PPP4R1: variants seen among roughly 807,000 people sequenced by gnomAD.
PPP4R1 encodes the protein serine/threonine-protein phosphatase 4 regulatory subunit 1.
In PPP4R1, 42 loss-of-function variants were observed where a neutral mutation model predicts 111.2. The observed-to-expected ratio is 0.38, with a 90% CI of 0.29 to 0.49. The LOEUF (loss-of-function observed/expected upper bound fraction) is 0.49, where lower values mean the gene tolerates loss of function less well. Among genes scored for constraint, PPP4R1 ranks in the 20% least tolerant of loss-of-function variants. The pLI, the probability that PPP4R1 is intolerant of heterozygous loss-of-function variation, is 0.97. For synonymous variants in PPP4R1, 409 were observed against 405.5 expected (o/e 1.01, Z -0.10); for missense variants, 1,012 against 1,161.6 (o/e 0.87, Z 1.87).
chr18:9,575,847 T>C (rs574046317), intron 10 of PPP4R1, among the ~76,000 whole-genome samples: 4 of 152,316 alleles, frequency 2.6e-5, no homozygotes, highest in African/African-American at 9.6e-5. Context: ...AAATTTATAG[T>C]TTCTTACTAG....
intron 2 of PPP4R1, among the ~76,000 whole-genome samples, chr18:9,605,943 A>G (rs1208480442): frequency 6.6e-6 from 1 of 152,226 alleles, no homozygotes; most frequent in African/African-American, 2.4e-5. Context: ...GTGTGTGTAC[A>G]TAACTGTATA....
chr18:9,610,127 G>A (rs2067552543), intron 2 of PPP4R1, among the ~76,000 whole-genome samples: 1 of 152,108 alleles, frequency 6.6e-6, no homozygotes, highest in Admixed American at 6.5e-5. Flanking sequence ...TACAAGCATT[G>A]GCTCATCAAA....
intron 4 of PPP4R1, among the ~76,000 whole-genome samples, chr18:9,591,703 T>C (rs759755955): frequency 6.6e-6 from 1 of 152,202 alleles, no homozygotes; most frequent in Non-Finnish European, 1.5e-5. Flanking sequence ...TCTCTCTTCC[T>C]CACTCTATCC....
chr18:9,548,031 C>A, intron 19 of PPP4R1, 79 bp from the exon 20 acceptor site: 1 of 1,408,648 alleles, frequency 7.1e-7, no homozygotes, highest in Non-Finnish European at 9.7e-7. Context: ...CGAGTGTAAA[C>A]AGTTAAACTG....
At chr18:9,612,467 G>A (rs1317520520) in intron 2 of PPP4R1, 2 of 152,246 alleles carry the variant, frequency 1.3e-5, no homozygotes, top group Admixed American at 6.5e-5. Flanking sequence ...CTGGCAGAGT[G>A]TTGAAACTCA....
chr18:9,581,339 C>T (rs753565710), intron 9 of PPP4R1, among the ~76,000 whole-genome samples: 3 of 152,032 alleles, frequency 2.0e-5, no homozygotes, highest in South Asian at 2.1e-4. Context: ...GTTATGGGGA[C>T]GGTGCTGCAT....
At chr18:9,552,737 C>A (rs1170702405) in intron 16 of PPP4R1, among the ~76,000 whole-genome samples, 4 of 152,090 alleles carry the variant, frequency 2.6e-5, no homozygotes, top group Non-Finnish European at 4.4e-5. Flanking sequence ...CACAAAAGAC[C>A]ACACCCCCAA....
At chr18:9,583,894 A>G (rs2067073382) in intron 8 of PPP4R1, among the ~76,000 whole-genome samples, 1 of 152,130 alleles carries the variant, frequency 6.6e-6, no homozygotes, top group African/African-American at 2.4e-5. Flanking sequence ...GTATTATTTC[A>G]CAAAAGTGAT....
At chr18:9,600,348 G>GA (rs937642308) in intron 2 of PPP4R1, among the ~76,000 whole-genome samples, 2 of 151,592 alleles carry the variant, frequency 1.3e-5, no homozygotes, top group Admixed American at 1.3e-4. Context: ...AGTAACAGAG[G>GA]AAAAAACCAT....
intron 16 of PPP4R1, chr18:9,550,659 C>A (rs1044793117): frequency 7.4e-6 from 3 of 407,634 alleles, no homozygotes; most frequent in East Asian, 5.2e-5. Flanking sequence ...GGGACTGAGA[C>A]AGAGCAAAGC....
intron 2 of PPP4R1, 139 bp from the exon 3 acceptor site, chr18:9,595,292 C>T: frequency 1.2e-6 from 1 of 852,322 alleles, no homozygotes; most frequent in Non-Finnish European, 1.7e-6. Flanking sequence ...AATCCAGAAG[C>T]CACAAATAAC....
At chr18:9,594,514 T>A (rs1240735901) in intron 3 of PPP4R1, among the ~76,000 whole-genome samples, 1 of 152,204 alleles carries the variant, frequency 6.6e-6, no homozygotes, top group African/African-American at 2.4e-5. Context: ...ATATTTTTAG[T>A]AGTATGAGTT....
At chr18:9,583,081 T>C (rs1276935753) in intron 9 of PPP4R1, 36 bp downstream of exon 9, 53 of 1,533,162 alleles carry the variant, frequency 3.5e-5, no homozygotes, top group Non-Finnish European at 4.4e-5. Context: ...CGGACACAAA[T>C]GTATTATTTT....
chr18:9,607,410 G>A (rs906328318), intron 2 of PPP4R1, among the ~76,000 whole-genome samples: 1 of 150,912 alleles, frequency 6.6e-6, no homozygotes, highest in East Asian at 1.9e-4. Flanking sequence ...AGTCAAAACC[G>A]AGTAGTAGAG....
At chr18:9,549,882 G>A in intron 18 of PPP4R1, 170 bp downstream of exon 18, 1 of 976,558 alleles carries the variant, frequency 1.0e-6, no homozygotes, top group Non-Finnish European at 1.5e-6. Flanking sequence ...TGGGAGAGAG[G>A]GGCCACCAGA....
chr18:9,578,872 C>T (rs892386533), intron 9 of PPP4R1, among the ~76,000 whole-genome samples: 3 of 152,138 alleles, frequency 2.0e-5, no homozygotes, highest in African/African-American at 4.8e-5. Flanking sequence ...GCTGTATGCA[C>T]GAATTTAATC....
At chr18:9,566,328 G>A (rs2066764292) in intron 11 of PPP4R1, among the ~76,000 whole-genome samples, 1 of 151,980 alleles carries the variant, frequency 6.6e-6, no homozygotes, top group South Asian at 2.1e-4. Context: ...GGTGACTCTT[G>A]TTAGGGACTA....
chr18:9,588,920 G>A (rs944699742), intron 4 of PPP4R1, 67 bp from the exon 5 acceptor site: 83 of 1,557,816 alleles, frequency 5.3e-5, no homozygotes, highest in Non-Finnish European at 6.5e-5. Context: ...ATCTGTTCTT[G>A]AGGGTACTTA....
At chr18:9,548,052 C>A in intron 19 of PPP4R1, 100 bp from the exon 20 acceptor site, 1 of 1,174,184 alleles carries the variant, frequency 8.5e-7, no homozygotes, top group South Asian at 1.6e-5. Context: ...GGTATTTCTA[C>A]AAGTACAAAC....
Sources: gnomAD v4.1 joint callset for allele counts (sites outside exome capture counted in the v4.1 genomes callset) on GRCh38, gnomAD v4.1.1 for gene constraint, MANE v1.5 for transcripts, NCBI Gene and HGNC (gene_info 2026-07-23, HGNC 2026-07-21) for gene names.